NEDD4L: variants seen among roughly 807,000 people sequenced by gnomAD.
The protein encoded by NEDD4L is NEDD4 like E3 ubiquitin protein ligase, also known as E3 ubiquitin-protein ligase NEDD4-like.
A neutral mutation model predicts 148.9 loss-of-function variants in NEDD4L; 54 were observed. That is an observed-to-expected ratio of 0.36 (90% CI 0.29 to 0.45). The LOEUF (loss-of-function observed/expected upper bound fraction) is 0.45. Among genes scored for constraint, NEDD4L ranks in the 20% least tolerant of loss-of-function variants. The pLI, the probability that NEDD4L is intolerant of heterozygous loss-of-function variation, is 1.00. For missense variants in NEDD4L, 856 were observed against 1,233.8 expected (o/e 0.69, Z 4.59); for synonymous variants, 433 against 440.7 (o/e 0.98, Z 0.22).
intron 5 of NEDD4L, among the ~76,000 whole-genome samples, chr18:58,304,285 G>A (rs1351175668): frequency 1.3e-4 from 20 of 151,146 alleles, no homozygotes; most frequent in African/African-American, 4.1e-4. Flanking sequence ...TTGGGAAGCC[G>A]AGGTGGGAGG....
intron 5 of NEDD4L, among the ~76,000 whole-genome samples, chr18:58,303,091 C>A: frequency 6.6e-6 from 1 of 152,200 alleles, no homozygotes. Flanking sequence ...TTGACTCATC[C>A]TGGTGGGTTT....
chr18:58,310,745 C>T (rs1237536526), intron 5 of NEDD4L, among the ~76,000 whole-genome samples: 2 of 152,192 alleles, frequency 1.3e-5, no homozygotes, highest in Admixed American at 6.5e-5. Context: ...CTCTGTAATG[C>T]CAAAGCTGGC....
At chr18:58,050,813 C>G (rs943048414) in intron 1 of NEDD4L, among the ~76,000 whole-genome samples, 30 of 152,162 alleles carry the variant, frequency 2.0e-4, no homozygotes, top group African/African-American at 6.5e-4. Flanking sequence ...AGGACAGTGA[C>G]AAATGGTGAT....
In NEDD4L at chr18:58,378,286, A is replaced by G. The variant is rs1323315411; in HGVS notation, c.2353-4960A>G. On this transcript the variant is annotated intron_variant, in intron 24 of 30. Coordinates refer to ENST00000400345, the MANE Select transcript of NEDD4L (RefSeq NM_001144967.3). ...CTGTGGATCTCTCTGTTAAGATTTC[A>G]TGGAGAGAGGTGGGCCACTGGCAGA... Among the ~76,000 whole-genome samples, 4 of 152,188 alleles carry G rather than the reference A, an allele frequency of 2.6e-5. No homozygotes were observed. In the East Asian group the frequency reaches 7.7e-4, roughly 29 times the overall value.
intron 2 of NEDD4L, among the ~76,000 whole-genome samples, chr18:58,168,957 CA>C (rs1445731454): frequency 6.6e-6 from 1 of 152,006 alleles, no homozygotes; most frequent in Non-Finnish European, 1.5e-5. Flanking sequence ...GCAGGATGGT[CA>C]GGGGCGGGTG....
chr18:58,151,142 C>G (rs2034677480), intron 1 of NEDD4L, among the ~76,000 whole-genome samples: 1 of 152,210 alleles, frequency 6.6e-6, no homozygotes. Flanking sequence ...CAGGTGCTCA[C>G]TTAAAATGAT....
chr18:58,269,386 A>G (rs1027840763), intron 5 of NEDD4L, among the ~76,000 whole-genome samples: 2 of 152,050 alleles, frequency 1.3e-5, no homozygotes, highest in African/African-American at 4.8e-5. Context: ...TGGTGTTTAA[A>G]TGGCTCACCG....
chr18:58,059,562 A>C (rs114578605), intron 1 of NEDD4L, among the ~76,000 whole-genome samples: 2,274 of 152,222 alleles, frequency 0.015, 53 homozygotes, highest in African/African-American at 0.051. Context: ...CAGACCTAGA[A>C]AACTGAGATG....
rs138333317 is a variant in NEDD4L at position 58,062,616 on chromosome 18, G to A, written c.48+17908G>A. ...GGACCACAGCATGGCACTAAAGCGC[G>A]GCTGCTGCTTTTCAGATCCCATGTT... On this transcript the variant is annotated intron_variant, in intron 1 of 30. Coordinates refer to ENST00000400345, the MANE Select transcript of NEDD4L (RefSeq NM_001144967.3). 3.7e-3 allele frequency among the ~76,000 whole-genome samples: 558 copies of A among 152,256 alleles called. 5 individuals are homozygous for A. The highest frequency in any genetic ancestry group is 0.013 in the African/African-American group (531 of 41,544).
At chr18:58,063,599 T>G (rs9950346) in intron 1 of NEDD4L, among the ~76,000 whole-genome samples, 119,690 of 148,294 alleles carry the variant, frequency 0.81, 48,876 homozygotes, top group East Asian at 1. Context: ...AGATTCTCAC[T>G]CTGTCATCCA....
At chr18:58,357,934 G>A (rs1229864770) in intron 19 of NEDD4L, among the ~76,000 whole-genome samples, 6 of 152,168 alleles carry the variant, frequency 3.9e-5, no homozygotes, top group Admixed American at 3.9e-4. Flanking sequence ...ACACTCATCA[G>A]CAGAGAGCAC....
chr18:58,074,980 G>A (rs961203749), intron 1 of NEDD4L, among the ~76,000 whole-genome samples: 4 of 152,176 alleles, frequency 2.6e-5, no homozygotes, highest in African/African-American at 9.6e-5. Flanking sequence ...CATAGGTGAA[G>A]AGTTGGATGG....
chr18:58,118,266 G>A (rs1358891937), intron 1 of NEDD4L, among the ~76,000 whole-genome samples: 1 of 152,246 alleles, frequency 6.6e-6, no homozygotes, highest in African/African-American at 2.4e-5. Flanking sequence ...TTCTGGTAAG[G>A]CGCTGCTTGC....
At chr18:58,344,616 T>C (rs1302446028) in intron 16 of NEDD4L, among the ~76,000 whole-genome samples, 3 of 152,240 alleles carry the variant, frequency 2.0e-5, no homozygotes, top group Non-Finnish European at 4.4e-5. Flanking sequence ...TATAATAACA[T>C]GTAGGTTTGA....
At chr18:58,213,751 G>A (rs1328291455) in intron 2 of NEDD4L, among the ~76,000 whole-genome samples, 2 of 151,882 alleles carry the variant, frequency 1.3e-5, no homozygotes, top group Non-Finnish European at 2.9e-5. Flanking sequence ...GGTTTTTGTT[G>A]TTGTTGTTTT....
At chr18:58,142,273 C>T (rs1349285399) in intron 1 of NEDD4L, among the ~76,000 whole-genome samples, 1 of 151,804 alleles carries the variant, frequency 6.6e-6, no homozygotes, top group African/African-American at 2.4e-5. Context: ...CGGTCTCGAT[C>T]TTTTGACATC....
At chr18:58,201,735 C>T (rs533507044) in intron 2 of NEDD4L, among the ~76,000 whole-genome samples, 1 of 152,272 alleles carries the variant, frequency 6.6e-6, no homozygotes, top group South Asian at 2.1e-4. Context: ...CCTCCATTGC[C>T]CTTTTTGGAA....
chr18:58,320,092 T>C (rs779045753), intron 6 of NEDD4L, among the ~76,000 whole-genome samples: 1 of 152,310 alleles, frequency 6.6e-6, no homozygotes, highest in South Asian at 2.1e-4. Flanking sequence ...TTAAGCTGCA[T>C]AGGGTATGGA....
chr18:58,200,015 T>G (rs1054030564), intron 2 of NEDD4L, among the ~76,000 whole-genome samples: 1 of 152,208 alleles, frequency 6.6e-6, no homozygotes, highest in Non-Finnish European at 1.5e-5. Flanking sequence ...ACAAAAAAGT[T>G]TATTAAAAAA....
Sources: allele counts gnomAD v4.1 joint callset (sites outside exome capture counted in the v4.1 genomes callset), GRCh38; gene constraint gnomAD v4.1.1; transcripts MANE v1.5; gene names NCBI Gene and HGNC (gene_info 2026-07-23, HGNC 2026-07-21).